TMEM139: variants seen among roughly 807,000 people sequenced by gnomAD.
TMEM139 encodes transmembrane protein 139.
Under a neutral mutation model 15.9 loss-of-function variants are expected in TMEM139, and 9 were observed. The ratio of observed to expected loss-of-function variants is 0.57; its 90% CI spans 0.34 to 0.99. TMEM139 has a LOEUF of 0.99. Ranked by LOEUF, TMEM139 falls within the 50% of genes least tolerant of loss-of-function variation. The pLI is 0.02. For synonymous variants in TMEM139, 95 were observed against 110.5 expected (o/e 0.86, Z 0.88); for missense variants, 270 against 267.7 (o/e 1.01, Z -0.06).
chr7:143,285,819 T>G, intron 1 of TMEM139, 122 bp from the exon 2 acceptor site: 3 of 1,346,846 alleles, frequency 2.2e-6, no homozygotes, highest in Non-Finnish European at 3.0e-6. Flanking sequence ...CTACAGATGA[T>G]TTATTTGAGA....
intron 1 of TMEM139, 24 bp downstream of exon 1, chr7:143,285,469 T>G (rs1433460541): frequency 5.7e-6 from 1 of 176,874 alleles, no homozygotes; most frequent in Non-Finnish European, 1.2e-5. Flanking sequence ...CCTCCCCTCT[T>G]CTCTCTAACG....
Position 143,286,655 on chromosome 7 carries a change from T to G in TMEM139, c.477T>G (p.Ala159=). The G allele has an allele frequency of 6.2e-7, 1 of 1,614,110 alleles. No individual in the cohort carries two copies. The highest frequency in any genetic ancestry group is 8.5e-7 in the Non-Finnish European group (1 of 1,180,030). ...CCCAGGAAGGAAGCCCTGGAAGAGC[T>G]CCAATCAACCTTCGGCTTCGGGGAC... ...SMAQEGSPGR[A]PINLRLRGPR... Residue 159 remains alanine (A), a synonymous_variant, in exon 3 of 3, where the codon GCT becomes GCG. Coordinates refer to ENST00000359333, the MANE Select transcript of TMEM139 (RefSeq NM_001282876.2).
Position 143,286,093 on chromosome 7 carries a change from G to A in TMEM139, c.136G>A (p.Gly46Ser), listed in dbSNP as rs1348768392. 2.5e-6 allele frequency: 4 copies of A among 1,613,974 alleles called. No individual in the cohort carries two copies. The highest frequency in any genetic ancestry group is 2.2e-5 in the South Asian group (2 of 91,080). The change falls in exon 2 of 3, where the codon GGT becomes AGT. Residue 46 changes from glycine to serine, a missense_variant. Transcript: ENST00000359333. ...CGTTGCTTATTTCTTTCTCACATTG[G>A]GTGGCTTCTTCTTGTTTGCCTATCT... is the stretch of plus-strand genomic sequence containing the variant. ...TPVAYFFLTL[G>S]GFFLFAYLLV...
Position 143,286,942 on chromosome 7 carries a change from T to C in TMEM139, c.*113T>C. The C allele has an allele frequency of 7.8e-7, 1 of 1,278,690 alleles. No individual in the cohort carries two copies. The highest frequency in any genetic ancestry group is 1.1e-6 in the Non-Finnish European group (1 of 930,514). The allele number at this position is 1,278,690 out of a possible 1,614,324, so 79.2% of individuals were successfully genotyped here. On this transcript the variant is annotated 3_prime_UTR_variant, in exon 3 of 3. Coordinates refer to ENST00000359333, the MANE Select transcript of TMEM139 (RefSeq NM_001282876.2). Reference sequence around the variant, plus strand: ...AGTGTTTCTGCCTGGACATCATAAATGGGGACTTGGACCCTGAGGAGAGTC... The same window carrying C: ...AGTGTTTCTGCCTGGACATCATAAACGGGGACTTGGACCCTGAGGAGAGTC...
At chr7:143,284,939 C>T (rs1004191626), upstream of TMEM139, 1 of 152,388 alleles carries the variant, frequency 6.6e-6, no homozygotes, top group African/African-American at 2.4e-5. Flanking sequence ...CCCACCACCC[C>T]CCACCCCATC....
In TMEM139 at chr7:143,286,040, T is replaced by G; in HGVS notation, c.83T>G (p.Leu28Trp). Residue 28 changes from leucine (L) to tryptophan (W), a missense_variant, in exon 2 of 3, where the codon TTG becomes TGG. Physicochemically the swap from Leu to Trp is moderately conservative, Grantham distance 61. Coordinates refer to ENST00000359333, the MANE Select transcript of TMEM139 (RefSeq NM_001282876.2). ...CCASFLLGLA[L>W]LGIKTDITPV... ...GCCTCCTTCCTACTGGGGCTGGCTT[T>G]GCTGGGCATAAAGACGGACATCACC... 1.2e-6 allele frequency: 2 copies of G among 1,614,170 alleles called. No homozygotes were observed. Among genetic ancestry groups the G allele is most frequent in the Non-Finnish European group, 1.7e-6 (2 of 1,180,028 alleles).
intron 1 of TMEM139, chr7:143,285,685 A>G: frequency 2.0e-6 from 1 of 489,124 alleles, no homozygotes; most frequent in East Asian, 3.9e-5. Context: ...AGGAGAAAGG[A>G]AAGAAGGCAG....
chr7:143,285,999 TCTC>T lies in TMEM139; in HGVS notation c.48_50del (p.Leu17del). ...TACTGGGGAGACTGGAGAAGCCGCT[TCTC>T]CTCCTGTGCTGCGCCTCCTTCCTAC... On this transcript the variant is annotated inframe_deletion, in exon 2 of 3. Transcript: ENST00000359333. 6.2e-7 allele frequency: 1 copy of T among 1,614,094 alleles called. No individual in the cohort carries two copies. Among genetic ancestry groups the T allele is most frequent in the Non-Finnish European group, 8.5e-7 (1 of 1,179,996 alleles).
Position 143,287,560 on chromosome 7 carries a change from C to G in TMEM139, c.*731C>G, listed in dbSNP as rs1325890195. The G allele has an allele frequency of 2.0e-5, 3 of 152,242 alleles. No homozygotes were observed. The highest frequency in any genetic ancestry group is 7.2e-5 in the African/African-American group (3 of 41,438). The allele number at this position is 152,242 out of a possible 1,614,324, so 9.4% of individuals were successfully genotyped here. A position where few individuals can be genotyped will look rare whatever the true frequency, so the allele number is the denominator to read the frequency against. Reference sequence around the variant, plus strand: ...GTAGCAGTGTCTGTGCCTCTCCTGCCCAGGGGCTAGAGAGCAGTCTCCAGT... The same window carrying G: ...GTAGCAGTGTCTGTGCCTCTCCTGCGCAGGGGCTAGAGAGCAGTCTCCAGT... On this transcript the variant is annotated 3_prime_UTR_variant, in exon 3 of 3. Coordinates refer to ENST00000359333, the MANE Select transcript of TMEM139 (RefSeq NM_001282876.2).
Position 143,287,559 on chromosome 7 carries a change from C to G in TMEM139, c.*730C>G, listed in dbSNP as rs563472491. 1 of 152,392 alleles carries G rather than the reference C, an allele frequency of 6.6e-6. No individual in the cohort carries two copies. Among genetic ancestry groups the G allele is most frequent in the East Asian group, 1.9e-4 (1 of 5,174 alleles). 9.4% of individuals were successfully genotyped at this position (152,392 alleles called of 1,614,324 possible). A position where few individuals can be genotyped will look rare whatever the true frequency, so the allele number is the denominator to read the frequency against. The stretch of plus-strand genomic sequence containing the variant: ...CGTAGCAGTGTCTGTGCCTCTCCTG[C>G]CCAGGGGCTAGAGAGCAGTCTCCAG... On this transcript the variant is annotated 3_prime_UTR_variant, in exon 3 of 3. Coordinates refer to ENST00000359333, the MANE Select transcript of TMEM139 (RefSeq NM_001282876.2).
At position 143,285,347 on chromosome 7, in the gene TMEM139, G is replaced by C. The variant is rs1801229083; in HGVS notation, c.-116G>C. 6.2e-6 allele frequency: 1 copy of C among 162,564 alleles called. No individual in the cohort carries two copies. Among genetic ancestry groups the C allele is most frequent in the Non-Finnish European group, 1.4e-5 (1 of 73,344 alleles). The allele number at this position is 162,564 out of a possible 1,614,324, so 10.1% of individuals were successfully genotyped here. On this transcript the variant is annotated 5_prime_UTR_variant, in exon 1 of 3. Transcript: ENST00000359333. ...TGCCTGTACAATTGTTTCTCAAGCAGTTGTGTCCCTGTGGCTTTGGTGCGC... is the reference window on the plus strand; with the variant it reads ...TGCCTGTACAATTGTTTCTCAAGCACTTGTGTCCCTGTGGCTTTGGTGCGC...
Position 143,286,422 on chromosome 7 carries a change from A to C in TMEM139, c.246-2A>C. 2.0e-6 allele frequency: 3 copies of C among 1,524,880 alleles called. No homozygotes were observed. The highest frequency in any genetic ancestry group is 2.6e-6 in the Non-Finnish European group (3 of 1,139,552). The allele number at this position is 1,524,880 out of a possible 1,614,324, so 94.5% of individuals were successfully genotyped here. ...CCAATGGCCTTATTTCTCTTCCCTC[A>C]GGGACAATGAAGCCTTTGAAGTGCC... On this transcript the variant is annotated splice_acceptor_variant, in intron 2 of 2. Transcript: ENST00000359333. LOFTEE classifies it high-confidence loss of function.
At chr7:143,285,851 CAAAG>C in intron 1 of TMEM139, 86 bp from the exon 2 acceptor site, 1 of 1,528,882 alleles carries the variant, frequency 6.5e-7, no homozygotes, top group Non-Finnish European at 8.9e-7. Context: ...AGAAACCAAA[CAAAG>C]AAATATCATA....
Sources: gnomAD v4.1 joint callset for allele counts on GRCh38, gnomAD v4.1.1 for gene constraint, MANE v1.5 for transcripts, NCBI Gene and HGNC (gene_info 2026-07-23, HGNC 2026-07-21) for gene names.